Variants in CUX1 observed in about 807,000 individuals in gnomAD.
The protein encoded by CUX1 is cut like homeobox 1, also known as protein CASP.
A neutral mutation model predicts 158.8 loss-of-function variants in CUX1; 31 were observed. That is an observed-to-expected ratio of 0.20 (90% CI 0.15 to 0.26). The LOEUF is 0.26. Among genes scored for constraint, CUX1 ranks in the 10% least tolerant of loss-of-function variants. The probability of loss-of-function intolerance (pLI) is 1.00; values close to 1 mark genes in which losing one functional copy is unlikely to be tolerated. For missense variants in CUX1, 1,589 were observed against 2,014.6 expected (o/e 0.79, Z 4.04); for synonymous variants, 879 against 862.1 (o/e 1.02, Z -0.34).
At chr7:102,283,301 A>C in exon 23 of CUX1, 1 of 560,646 alleles carries the variant, frequency 1.8e-6, no homozygotes, top group Non-Finnish European at 3.3e-6. Flanking sequence ...GCGAGCCCCC[A>C]ATGCCCGGCC....
intron 3 of CUX1, among the ~76,000 whole-genome samples, chr7:102,065,037 G>T (rs1227778663): frequency 6.6e-6 from 1 of 152,148 alleles, no homozygotes; most frequent in African/African-American, 2.4e-5. Context: ...CACAGACTGG[G>T]TGAGCTGCAG....
chr7:101,842,823 T>C (rs888445583), intron 1 of CUX1, among the ~76,000 whole-genome samples: 3 of 151,816 alleles, frequency 2.0e-5, no homozygotes, highest in Non-Finnish European at 2.9e-5. Flanking sequence ...TAGACTCTTA[T>C]TATGTTTTTC....
chr7:102,225,920 G>C (rs564036550), intron 20 of CUX1, among the ~76,000 whole-genome samples: 2 of 152,396 alleles, frequency 1.3e-5, no homozygotes, highest in South Asian at 4.1e-4. Context: ...CCCTCAGTGG[G>C]CATCAGGGGA....
At chr7:101,838,942 A>G (rs529921876) in intron 1 of CUX1, among the ~76,000 whole-genome samples, 1 of 152,314 alleles carries the variant, frequency 6.6e-6, no homozygotes, top group South Asian at 2.1e-4. Flanking sequence ...TGGAAAGTCC[A>G]TGATCCGGGT....
At position 102,238,319 on chromosome 7, in the gene CUX1, G is replaced by A. The variant is rs960946593; in HGVS notation, c.3623-1001G>A. ...CCTGGCAACGGGCGTCTTCCCAGAC[G>A]CTGGCGTTACCTCTAGACCAAGGAG... is the stretch of plus-strand genomic sequence containing the variant. On this transcript the variant is annotated intron_variant, in intron 22 of 23. Transcript: ENST00000292535. Among the ~76,000 whole-genome samples the A allele has an allele frequency of 8.5e-5, 13 of 152,272 alleles. 1 individual carries two copies. The highest frequency in any genetic ancestry group is 6.2e-4 in the South Asian group (3 of 4,828).
At chr7:101,990,382 G>GT (rs1372476237) in intron 2 of CUX1, among the ~76,000 whole-genome samples, 2 of 146,924 alleles carry the variant, frequency 1.4e-5, no homozygotes, top group Non-Finnish European at 2.9e-5. Flanking sequence ...TTGTTTGTTT[G>GT]TTTGTTTGTT....
At chr7:101,877,936 T>C (rs1431585727) in intron 1 of CUX1, among the ~76,000 whole-genome samples, 3 of 152,152 alleles carry the variant, frequency 2.0e-5, no homozygotes, top group Non-Finnish European at 2.9e-5. Flanking sequence ...TGCAAGCTTA[T>C]CTGCAGGGGG....
At chr7:101,816,364 C>T (rs1051999424), upstream of CUX1, among the ~76,000 whole-genome samples, 4 of 144,540 alleles carry the variant, frequency 2.8e-5, no homozygotes, top group South Asian at 2.1e-4. Flanking sequence ...CCACCACTGC[C>T]CCCGGTGTCT....
intron 3 of CUX1, among the ~76,000 whole-genome samples, chr7:102,048,741 A>G (rs1585415235): frequency 6.6e-6 from 1 of 152,298 alleles, no homozygotes; most frequent in East Asian, 1.9e-4. Context: ...AGGCAGGGGA[A>G]TCACTTGAAC....
At chr7:102,068,810 G>A (rs917381559) in intron 3 of CUX1, among the ~76,000 whole-genome samples, 2 of 152,188 alleles carry the variant, frequency 1.3e-5, no homozygotes, top group Non-Finnish European at 2.9e-5. Context: ...AGTCTTGCGT[G>A]TTTCGGCTGT....
intron 3 of CUX1, among the ~76,000 whole-genome samples, chr7:102,059,229 T>C (rs184776440): frequency 6.6e-6 from 1 of 152,360 alleles, no homozygotes; most frequent in Admixed American, 6.5e-5. Flanking sequence ...TTTTATCATC[T>C]TGGCTTTTAA....
chr7:101,913,414 C>G, intron 1 of CUX1: 1 of 1,258,764 alleles, frequency 7.9e-7, no homozygotes, highest in South Asian at 1.3e-5. Context: ...CGCAGGCGCA[C>G]TGGCTCTGCA....
chr7:102,251,445 C>T lies in CUX1; in HGVS notation c.*2403C>T, dbSNP rs1351283237. 1.0e-6 allele frequency: 1 copy of T among 985,242 alleles called. No individual in the cohort carries two copies. The highest frequency in any genetic ancestry group is 1.7e-5 in the African/African-American group (1 of 57,218). The allele number at this position is 985,242 out of a possible 1,614,324, so 61.0% of individuals were successfully genotyped here. The stretch of plus-strand genomic sequence containing the variant: ...TCACGTTTTCACAAATTTCAAGAGT[C>T]ACTACACTAAAGACAATGCCTTTTC... On this transcript the variant is annotated 3_prime_UTR_variant, in exon 24 of 24. Transcript: ENST00000292535.
Position 102,168,912 on chromosome 7 carries a change from TATTTTCTTTTCTTTTC to T in CUX1, c.724-1533_724-1518del, listed in dbSNP as rs1172877453. On this transcript the variant is annotated intron_variant, in intron 9 of 23. Transcript: ENST00000292535. The stretch of plus-strand genomic sequence containing the variant: ...TCTTTTCTTTTCTTTTCTTTTCTTT[TATTTTCTTTTCTTTTC>T]TTTTATTTTCTTTTTTTTTTTGAGA... 3.7e-4 allele frequency among the ~76,000 whole-genome samples: 44 copies of T among 119,572 alleles called. 1 individual carries two copies. The highest frequency in any genetic ancestry group is 1.2e-3 in the African/African-American group (30 of 24,608). The allele number at this position is 119,572 out of a possible 152,430, so 78.4% of individuals were successfully genotyped here.
rs930463449 is a variant in CUX1 at position 102,196,131 on chromosome 7, G to A, written c.1223-503G>A. ...CTGGTTTGGGCAGCTGGTAAAACGC[G>A]TACAGGTGTCTCGGGCTCTAATGGT... On this transcript the variant is annotated intron_variant, in intron 14 of 23. Transcript: ENST00000292535. Among the ~76,000 whole-genome samples, 65 of 152,360 alleles carry A rather than the reference G, an allele frequency of 4.3e-4. 1 individual carries two copies. Among genetic ancestry groups the A allele is most frequent in the African/African-American group, 1.5e-3 (61 of 41,584 alleles).
chr7:102,227,416 G>T lies in CUX1; in HGVS notation c.3180G>T (p.Pro1060=), dbSNP rs782320145. 2 of 1,613,728 alleles carry T rather than the reference G, an allele frequency of 1.2e-6. No homozygotes were observed. Among genetic ancestry groups the T allele is most frequent in the South Asian group, 1.1e-5 (1 of 91,052 alleles). ...SASCSPAPES[P]MSSSESVKSL... is the part of the protein sequence containing the mutation. Reference sequence around the variant, plus strand: ...GCTGCAGCCCTGCCCCTGAGTCCCCGATGAGTTCCAGTGAGTCGGTGAAGA... The same window carrying T: ...GCTGCAGCCCTGCCCCTGAGTCCCCTATGAGTTCCAGTGAGTCGGTGAAGA... Residue 1060 remains proline (P), a synonymous_variant, in exon 21 of 24, where the codon CCG becomes CCT. Transcript: ENST00000292535.
At chr7:101,832,263 G>A (rs910242685) in intron 1 of CUX1, among the ~76,000 whole-genome samples, 2 of 152,190 alleles carry the variant, frequency 1.3e-5, no homozygotes, top group Non-Finnish European at 2.9e-5. Flanking sequence ...GGACCACTGA[G>A]GGGTGATGGG....
intron 23 of CUX1, among the ~76,000 whole-genome samples, chr7:102,246,932 C>T (rs1278075680): frequency 6.6e-6 from 1 of 152,154 alleles, no homozygotes; most frequent in Non-Finnish European, 1.5e-5. Context: ...TTTGGGAGGC[C>T]AAGGCAGCAG....
intron 1 of CUX1, among the ~76,000 whole-genome samples, chr7:101,851,070 C>T (rs912474613): frequency 1.4e-4 from 22 of 152,268 alleles, no homozygotes; most frequent in Non-Finnish European, 2.8e-4. Context: ...GACCACACCC[C>T]TGTACTCCAG....
Sources: gnomAD v4.1 joint callset for allele counts (sites outside exome capture counted in the v4.1 genomes callset) on GRCh38, gnomAD v4.1.1 for gene constraint, MANE v1.5 for transcripts, NCBI Gene and HGNC (gene_info 2026-07-23, HGNC 2026-07-21) for gene names.